Variants in ZNF414 observed in about 807,000 individuals in gnomAD.
ZNF414 encodes the protein zinc finger protein 414.
A neutral mutation model predicts 38.3 loss-of-function variants in ZNF414; 32 were observed. The observed-to-expected ratio is 0.83, with a 90% CI of 0.63 to 1.12. The LOEUF (loss-of-function observed/expected upper bound fraction) is 1.12. ZNF414 is among the 50% of genes most tolerant of loss of function. The pLI is 0.00. For missense variants in ZNF414, 589 were observed against 557.4 expected, an observed-to-expected ratio of 1.06 and a Z score of -0.57; for synonymous variants, 256 against 248.0, an observed-to-expected ratio of 1.03 and a Z score of -0.30.
rs746694069 is a variant in ZNF414 at position 8,512,342 on chromosome 19, G to C, written c.530+45C>G. ...GAGGAAGGCCTGGAGCCCACACATA[G>C]GGTGAGGCTAGGGCAGGGCGGAGCT... On this transcript the variant is annotated intron_variant, in intron 4 of 7. Transcript: ENST00000393927. The C allele has an allele frequency of 4.4e-6, 7 of 1,600,296 alleles. No homozygotes were observed. The Admixed American group carries it at 1.0e-4, about 23-fold the overall frequency.
In ZNF414 at chr19:8,512,703, T is replaced by C. The variant is rs746951807; in HGVS notation, c.325A>G (p.Ile109Val). 2 of 1,535,596 alleles carry C rather than the reference T, an allele frequency of 1.3e-6. No individual in the cohort carries two copies. Among genetic ancestry groups the C allele is most frequent in the Non-Finnish European group, 1.8e-6 (2 of 1,142,064 alleles). ...PRRRPPPGKQ[I>V]PCSSPGCCLS... ...CAGCAGCCAGGGCTGGAGCAAGGGA[T>C]TTGCTTCCCTGCAGGACGCACAGAA... The change falls in exon 3 of 8, where the codon ATC becomes GTC. Residue 109 changes from isoleucine to valine, a missense_variant. Coordinates refer to ENST00000393927, the MANE Select transcript of ZNF414 (RefSeq NM_001146175.2).
rs1451222284 is a variant in ZNF414 at position 8,510,343 on chromosome 19, T to G, written c.*348A>C. The G allele has an allele frequency of 1.1e-5, 2 of 177,178 alleles. No individual in the cohort carries two copies. Among genetic ancestry groups the G allele is most frequent in the Non-Finnish European group, 2.3e-5 (2 of 88,220 alleles). The allele number at this position is 177,178 out of a possible 1,614,324, so 11.0% of individuals were successfully genotyped here. A position where few individuals can be genotyped will look rare whatever the true frequency, so the allele number is the denominator to read the frequency against. On this transcript the variant is annotated 3_prime_UTR_variant, in exon 8 of 8. Transcript: ENST00000393927. ...AAAAAAGAAAACTGGAGAGTCCCCA[T>G]CCCATTTGGTTTCTGGACAAGGGAG...
In ZNF414 at chr19:8,510,862, T is replaced by C. The variant is rs1230644642; in HGVS notation, c.1088A>G (p.Asp363Gly). The part of the protein sequence containing the change: ...AAPAAGPPRP[D>G]APADPAPLAP... ...TTCCTCGGCCTTACCCGCGGGGGCG[T>C]CGGGGCGCGGCGGCCCGGCCGCGGG... Residue 363 changes from aspartate to glycine, a missense_variant, in exon 7 of 8, where the codon GAC becomes GGC. Coordinates refer to ENST00000393927, the MANE Select transcript of ZNF414 (RefSeq NM_001146175.2). 2 of 1,144,870 alleles carry C rather than the reference T, an allele frequency of 1.7e-6. No individual in the cohort carries two copies. Among genetic ancestry groups the C allele is most frequent in the Non-Finnish European group, 2.2e-6 (2 of 919,856 alleles). The allele number at this position is 1,144,870 out of a possible 1,614,324, so 70.9% of individuals were successfully genotyped here.
rs1205214685 is a variant in ZNF414, at chr19:8,510,081, G to A, written c.*610C>T. On this transcript the variant is annotated 3_prime_UTR_variant, in exon 8 of 8. Transcript: ENST00000393927. ...TAAGGCGGGCGGATCATGAGGTCAG[G>A]AGATCGAGACCATCCTGGCTAACGC... 2.6e-5 allele frequency: 4 copies of A among 151,590 alleles called. No individual in the cohort carries two copies. The East Asian group carries it at 6.0e-4, about 23-fold the overall frequency. 9.4% of individuals were successfully genotyped at this position (151,590 alleles called of 1,614,324 possible).
In ZNF414 at chr19:8,511,549, G is replaced by A. The variant is rs778992230; in HGVS notation, c.875-13C>T. 8 of 1,591,310 alleles carry A rather than the reference G, an allele frequency of 5.0e-6. No homozygotes were observed. Among genetic ancestry groups the A allele is most frequent in the Non-Finnish European group, 6.0e-6 (7 of 1,169,026 alleles). On this transcript the variant is annotated splice_polypyrimidine_tract_variant and intron_variant, in intron 5 of 7. Coordinates refer to ENST00000393927, the MANE Select transcript of ZNF414 (RefSeq NM_001146175.2). ...CTGCTGCCAGCACCTGCGGTAAAGGGGCGGGTCAAGTTCAGAGTCAGGGCG... is the reference window on the plus strand; with the variant it reads ...CTGCTGCCAGCACCTGCGGTAAAGGAGCGGGTCAAGTTCAGAGTCAGGGCG...
chr19:8,511,607 C>T lies in ZNF414; in HGVS notation c.874+10G>A, dbSNP rs1971915130. Reference sequence around the variant, plus strand: ...CCAGCCCTCCTGGAGGCCCCCGACCCCACACTCACCTTGGCTCTTTTTCCA... The same window carrying T: ...CCAGCCCTCCTGGAGGCCCCCGACCTCACACTCACCTTGGCTCTTTTTCCA... On this transcript the variant is annotated intron_variant, in intron 5 of 7. Coordinates refer to ENST00000393927, the MANE Select transcript of ZNF414 (RefSeq NM_001146175.2). The T allele has an allele frequency of 2.0e-6, 3 of 1,515,678 alleles. No individual in the cohort carries two copies. The highest frequency in any genetic ancestry group is 2.6e-5 in the South Asian group (2 of 77,494). 93.9% of individuals were successfully genotyped at this position (1,515,678 alleles called of 1,614,324 possible).
intron 3 of ZNF414, 33 bp from the exon 4 acceptor site, chr19:8,512,525 A>T: frequency 6.2e-7 from 1 of 1,613,570 alleles, no homozygotes; most frequent in South Asian, 1.1e-5. Flanking sequence ...AAGTGGAGAC[A>T]GGTGGCCAAG....
At position 8,513,219 on chromosome 19, in the gene ZNF414, C is replaced by T. The variant is rs112456903; in HGVS notation, c.126G>A (p.Ser42=). The change falls in exon 2 of 8, where the codon TCG becomes TCA. Residue 42 remains serine (S), a synonymous_variant. Transcript: ENST00000393927. ...CTGCCTGCTCAGGGCCTGGCTCCTCCGACATGGAGGAGGAAGGGGCTGCAG... is the reference window on the plus strand; with the variant it reads ...CTGCCTGCTCAGGGCCTGGCTCCTCTGACATGGAGGAGGAAGGGGCTGCAG... ...VPAAAPSSSM[S]EEPGPEQAAT... is the part of the protein sequence containing the mutation. 2.1e-5 allele frequency: 33 copies of T among 1,577,672 alleles called. No individual in the cohort carries two copies. In the African/African-American group the frequency reaches 2.1e-4, roughly 10 times the overall value.
At chr19:8,512,084 C>CCTGTACA (rs1971925883) in intron 4 of ZNF414, 124 bp from the exon 5 acceptor site, 2 of 1,411,682 alleles carry the variant, frequency 1.4e-6, no homozygotes, top group Non-Finnish European at 1.8e-6. Flanking sequence ...CCTCCCCGCT[C>CCTGTACA]CTGTACAACT....
Position 8,512,649 on chromosome 19 carries a change from C to A in ZNF414, c.379G>T (p.Ala127Ser). 3 of 1,592,044 alleles carry A rather than the reference C, an allele frequency of 1.9e-6. No individual in the cohort carries two copies. Among genetic ancestry groups the A allele is most frequent in the Non-Finnish European group, 2.6e-6 (3 of 1,169,378 alleles). The change falls in exon 3 of 8, where the codon GCA (alanine) becomes TCA (serine). Residue 127 changes from alanine (A) to serine (S), a missense_variant. Physicochemically the swap from Ala to Ser is moderately conservative, Grantham distance 99. Transcript: ENST00000393927. Reference protein sequence around the residue: ...CLSFPSVRDLAQHLRTHCPPT... With the variant: ...CLSFPSVRDLSQHLRTHCPPT... ...GGGCAGTGGGTTCGCAGATGCTGTGCCAGGTCACGGACGCTGGGAAAACTG... is the reference window on the plus strand; with the variant it reads ...GGGCAGTGGGTTCGCAGATGCTGTGACAGGTCACGGACGCTGGGAAAACTG...
At chr19:8,511,581 G>T in intron 5 of ZNF414, 36 bp downstream of exon 5, 1 of 1,542,144 alleles carries the variant, frequency 6.5e-7, no homozygotes, top group Non-Finnish European at 8.7e-7. Flanking sequence ...GGCGAGCCCA[G>T]CCAGCCCTCC....
In ZNF414 at chr19:8,512,614, C is replaced by T; in HGVS notation, c.414G>A (p.Gln138=). The change falls in exon 3 of 8, where the codon CAG becomes CAA. Residue 138 remains glutamine, a synonymous_variant. Coordinates refer to ENST00000393927, the MANE Select transcript of ZNF414 (RefSeq NM_001146175.2). The part of the protein sequence containing the change: ...QHLRTHCPPT[Q]SLEGKLFRCS... ...CAGTCCTGGCCCTACCTTCCAGGGACTGTGTGGGCGGGCAGTGGGTTCGCA... is the reference window on the plus strand; with the variant it reads ...CAGTCCTGGCCCTACCTTCCAGGGATTGTGTGGGCGGGCAGTGGGTTCGCA... The T allele has an allele frequency of 6.3e-7, 1 of 1,591,310 alleles. No individual in the cohort carries two copies. Among genetic ancestry groups the T allele is most frequent in the East Asian group, 2.2e-5 (1 of 44,468 alleles).
rs1422077382 is a variant in ZNF414, at chr19:8,511,906, C to T, written c.585G>A (p.Leu195=). The change falls in exon 5 of 8, where the codon CTG becomes CTA. Residue 195 remains leucine, a synonymous_variant. Coordinates refer to ENST00000393927, the MANE Select transcript of ZNF414 (RefSeq NM_001146175.2). ...TCTGCGCATGCTCCGCGCAAACATG[C>T]AGGTGCTTGAAGAGCGAGCGGTGCG... ...FRTHRSLFKH[L]HVCAEHAQSP... 1 of 1,413,410 alleles carries T rather than the reference C, an allele frequency of 7.1e-7. No homozygotes were observed. Among genetic ancestry groups the T allele is most frequent in the South Asian group, 1.7e-5 (1 of 59,494 alleles). 87.6% of individuals were successfully genotyped at this position (1,413,410 alleles called of 1,614,324 possible). A position where few individuals can be genotyped will look rare whatever the true frequency, so the allele number is the denominator to read the frequency against.
chr19:8,514,051 G>T lies in ZNF414; in HGVS notation c.-5C>A. The stretch of plus-strand genomic sequence containing the variant: ...CCCCGGTGCCGCGCTCACCATCTTC[G>T]ACACGGCTCGGCCTCTTGTTTCTGC... On this transcript the variant is annotated 5_prime_UTR_variant, in exon 1 of 8. Coordinates refer to ENST00000393927, the MANE Select transcript of ZNF414 (RefSeq NM_001146175.2). 6.8e-7 allele frequency: 1 copy of T among 1,480,498 alleles called. No individual in the cohort carries two copies. 91.7% of individuals were successfully genotyped at this position (1,480,498 alleles called of 1,614,324 possible). A position where few individuals can be genotyped will look rare whatever the true frequency, so the allele number is the denominator to read the frequency against.
intron 1 of ZNF414, 104 bp from the exon 2 acceptor site, chr19:8,513,445 AG>A (rs1452482396): frequency 1.8e-6 from 2 of 1,113,606 alleles, no homozygotes; most frequent in African/African-American, 3.3e-5. Context: ...GGAATACGTA[AG>A]GGTGGACTAA....
At position 8,511,878 on chromosome 19, in the gene ZNF414, G is replaced by A; in HGVS notation, c.613C>T (p.Pro205Ser). The stretch of plus-strand genomic sequence containing the variant: ...AGGGCCGGGGGTGGCGGCGGGGCTG[G>A]GCTCTGCGCATGCTCCGCGCAAACA... ...LHVCAEHAQS[P>S]APPPPPALDR... Residue 205 changes from proline (P) to serine (S), a missense_variant, in exon 5 of 8, where the codon CCA becomes TCA. Pro to Ser is a moderately conservative substitution (Grantham distance 74). Transcript: ENST00000393927. 1 of 1,407,788 alleles carries A rather than the reference G, an allele frequency of 7.1e-7. No individual in the cohort carries two copies. Among genetic ancestry groups the A allele is most frequent in the Non-Finnish European group, 9.2e-7 (1 of 1,089,236 alleles). The allele number at this position is 1,407,788 out of a possible 1,614,324, so 87.2% of individuals were successfully genotyped here.
In ZNF414 at chr19:8,514,082, C is replaced by T; in HGVS notation, c.-36G>A. On this transcript the variant is annotated 5_prime_UTR_variant, in exon 1 of 8. Transcript: ENST00000393927. ...GCTCGGCCTCTTGTTTCTGCGGCTC[C>T]GGCGGCTGCAGCTTAGGCGGCGGCC... The T allele has an allele frequency of 3.4e-6, 5 of 1,464,244 alleles. No individual in the cohort carries two copies. Among genetic ancestry groups the T allele is most frequent in the Non-Finnish European group, 4.5e-6 (5 of 1,108,660 alleles). The allele number at this position is 1,464,244 out of a possible 1,614,324, so 90.7% of individuals were successfully genotyped here.
intron 1 of ZNF414, among the ~76,000 whole-genome samples, chr19:8,513,815 G>C (rs1241721941): frequency 6.6e-6 from 1 of 152,222 alleles, no homozygotes; most frequent in Non-Finnish European, 1.5e-5. Context: ...GACAATCTTG[G>C]AGGTGCTGGG....
rs375198071 is a variant in ZNF414, at chr19:8,511,787, G to C, written c.704C>G (p.Pro235Arg). The C allele has an allele frequency of 4.2e-6, 6 of 1,413,552 alleles. No homozygotes were observed. The highest frequency in any genetic ancestry group is 2.8e-5 in the East Asian group (1 of 36,154). The allele number at this position is 1,413,552 out of a possible 1,614,324, so 87.6% of individuals were successfully genotyped here. Residue 235 changes from proline (P) to arginine (R), a missense_variant, in exon 5 of 8, where the codon CCG becomes CGG. Pro to Arg is a moderately radical substitution (Grantham distance 103, BLOSUM62 -2). Coordinates refer to ENST00000393927, the MANE Select transcript of ZNF414 (RefSeq NM_001146175.2). Reference protein sequence around the residue: ...EVDPASAPGLPFPLLEPFTTP... With the variant: ...EVDPASAPGLRFPLLEPFTTP... ...CGTGAAGGGTTCCAGCAGCGGGAAC[G>C]GCAGGCCCGGCGCTGATGCGGGGTC...
Sources: allele counts gnomAD v4.1 joint callset (sites outside exome capture counted in the v4.1 genomes callset), GRCh38; gene constraint gnomAD v4.1.1; transcripts MANE v1.5; gene names NCBI Gene and HGNC (gene_info 2026-07-23, HGNC 2026-07-21).